Variants in CSMD2 observed in about 807,000 individuals in gnomAD.
CSMD2 encodes the protein CUB and sushi domain-containing protein 2.
A neutral mutation model predicts 398.5 loss-of-function variants in CSMD2; 130 were observed. The ratio of observed to expected loss-of-function variants is 0.33; its 90% CI spans 0.28 to 0.38. CSMD2 has a LOEUF of 0.38. CSMD2 is among the 10% of genes least tolerant of loss of function. CSMD2 has a pLI of 1.00. For missense variants in CSMD2, 3,829 were observed against 4,764.9 expected (o/e 0.80, Z 5.78); for synonymous variants, 1,828 against 1,908.5 (o/e 0.96, Z 1.10).
Position 33,546,045 on chromosome 1 carries a change from T to A in CSMD2, c.9092A>T (p.Glu3031Val). ...ATGGTCACATACATTACCTCCACAC[T>A]CAGGCTGCGAGCCGCTCCACGAGCC... ...ANGSWSGSQP[E>V]CGVISCGNPG... The change falls in exon 57 of 71, where the codon GAG becomes GTG. Residue 3031 changes from glutamate to valine, a missense_variant. Glu to Val is a moderately radical substitution (Grantham distance 121). Transcript: ENST00000373381. The A allele has an allele frequency of 6.2e-7, 1 of 1,612,390 alleles. No homozygotes were observed. Among genetic ancestry groups the A allele is most frequent in the Non-Finnish European group, 8.5e-7 (1 of 1,178,972 alleles).
rs573391910 is a variant in CSMD2 at position 33,933,113 on chromosome 1, C to A, written c.712+2647G>T. On this transcript the variant is annotated intron_variant, in intron 4 of 70. Coordinates refer to ENST00000373381, the MANE Select transcript of CSMD2 (RefSeq NM_001281956.2). ...CTAAGATGTAAGCTCCTTGCATTGC[C>A]ACACCTTCCATAAAGCCTGAACTAC... Among the ~76,000 whole-genome samples, 4 of 152,296 alleles carry A rather than the reference C, an allele frequency of 2.6e-5. No homozygotes were observed. In the South Asian group the frequency reaches 8.3e-4, roughly 32 times the overall value.
At chr1:33,982,411 G>T (rs1297082580) in intron 3 of CSMD2, among the ~76,000 whole-genome samples, 1 of 152,188 alleles carries the variant, frequency 6.6e-6, no homozygotes, top group African/African-American at 2.4e-5. Flanking sequence ...CCTTCTAGTA[G>T]TTTGTCCTTG....
At chr1:34,070,856 G>A (rs1248399099) in intron 2 of CSMD2, among the ~76,000 whole-genome samples, 1 of 149,570 alleles carries the variant, frequency 6.7e-6, no homozygotes, top group African/African-American at 2.4e-5. Context: ...GCCAAGATGC[G>A]TCCCCGTTCC....
intron 60 of CSMD2, among the ~76,000 whole-genome samples, chr1:33,539,388 T>G (rs1656119354): frequency 6.6e-6 from 1 of 152,202 alleles, no homozygotes. Context: ...AGGAAATTCT[T>G]TAAAGCCATT....
chr1:33,610,358 T>G (rs916642388), intron 41 of CSMD2, among the ~76,000 whole-genome samples: 8 of 152,042 alleles, frequency 5.3e-5, no homozygotes, highest in African/African-American at 1.7e-4. Flanking sequence ...AAGGGAAGCA[T>G]CCAAGGGCGA....
intron 2 of CSMD2, among the ~76,000 whole-genome samples, chr1:34,061,038 A>G (rs1654438519): frequency 6.6e-6 from 1 of 152,096 alleles, no homozygotes; most frequent in South Asian, 2.1e-4. Context: ...GCACAAAGGG[A>G]AGCTCGCACT....
intron 3 of CSMD2, among the ~76,000 whole-genome samples, chr1:33,938,164 G>C (rs536992792): frequency 1.3e-5 from 2 of 152,234 alleles, no homozygotes; most frequent in Non-Finnish European, 2.9e-5. Context: ...TTCTTTACCT[G>C]TGCCAAGTGA....
intron 25 of CSMD2, among the ~76,000 whole-genome samples, chr1:33,685,776 C>T (rs749773401): frequency 6.6e-6 from 1 of 152,208 alleles, no homozygotes; most frequent in Non-Finnish European, 1.5e-5. Context: ...CGTCACTTGG[C>T]TTGCACTTAT....
intron 2 of CSMD2, among the ~76,000 whole-genome samples, chr1:34,085,215 C>T (rs1657718687): frequency 6.6e-6 from 1 of 152,018 alleles, no homozygotes; most frequent in East Asian, 1.9e-4. Context: ...GACCATCACA[C>T]ACCAGGGACT....
At chr1:33,855,217 GA>G (rs1212433064) in intron 5 of CSMD2, among the ~76,000 whole-genome samples, 3 of 152,160 alleles carry the variant, frequency 2.0e-5, no homozygotes, top group Non-Finnish European at 4.4e-5. Flanking sequence ...AGAAGCCTTT[GA>G]AGATCAGTCT....
At chr1:33,822,764 G>T (rs1366054366) in intron 7 of CSMD2, among the ~76,000 whole-genome samples, 3 of 152,110 alleles carry the variant, frequency 2.0e-5, no homozygotes, top group Non-Finnish European at 4.4e-5. Context: ...CCAGAAGGTG[G>T]GAAGGAGGAG....
Position 33,854,863 on chromosome 1 carries a change from G to A in CSMD2, c.921-7867C>T, listed in dbSNP as rs144308259. Reference sequence around the variant, plus strand: ...AGGAACAGGGAGCCTGGCTGTTGCCGGGATGAGGGCTTCCTCACCAACACG... The same window carrying A: ...AGGAACAGGGAGCCTGGCTGTTGCCAGGATGAGGGCTTCCTCACCAACACG... On this transcript the variant is annotated intron_variant, in intron 5 of 70. Coordinates refer to ENST00000373381, the MANE Select transcript of CSMD2 (RefSeq NM_001281956.2). 4.3e-3 allele frequency among the ~76,000 whole-genome samples: 659 copies of A among 152,268 alleles called. 7 individuals are homozygous for A. The highest frequency in any genetic ancestry group is 0.015 in the African/African-American group (622 of 41,538).
At chr1:33,805,043 G>T in intron 10 of CSMD2, 1 of 616,294 alleles carries the variant, frequency 1.6e-6, no homozygotes, top group East Asian at 2.7e-5. Flanking sequence ...AGAAACTCAG[G>T]CTGGTGGGAT....
intron 68 of CSMD2, among the ~76,000 whole-genome samples, chr1:33,521,209 G>T (rs1654250882): frequency 6.6e-6 from 1 of 152,202 alleles, no homozygotes; most frequent in African/African-American, 2.4e-5. Context: ...TGTCCCTGGA[G>T]TTGGGGGCTC....
Position 34,085,378 on chromosome 1 carries a change from C to CAATAATAAT in CSMD2, c.404+3590_404+3598dup, listed in dbSNP as rs60890896. Among the ~76,000 whole-genome samples, 198 of 149,286 alleles carry CAATAATAAT rather than the reference C, an allele frequency of 1.3e-3. 2 individuals carry two copies. Among genetic ancestry groups the CAATAATAAT allele is most frequent in the African/African-American group, 4.6e-3 (187 of 40,552 alleles). Reference sequence around the variant, plus strand: ...ACATGTACCCTAAAACTTAAAAGTACAATAATAATAATAATAATAATAATA... The same window carrying CAATAATAAT: ...ACATGTACCCTAAAACTTAAAAGTACAATAATAATAATAATAATAATAATAATAATAATA... On this transcript the variant is annotated intron_variant, in intron 2 of 70. Transcript: ENST00000373381.
At chr1:34,117,515 A>C (rs1228442837) in intron 1 of CSMD2, among the ~76,000 whole-genome samples, 3 of 152,164 alleles carry the variant, frequency 2.0e-5, no homozygotes, top group Non-Finnish European at 4.4e-5. Flanking sequence ...TCACTGGATA[A>C]TTCTACTAAA....
At chr1:33,738,090 C>G (rs1646940677) in intron 15 of CSMD2, among the ~76,000 whole-genome samples, 1 of 152,032 alleles carries the variant, frequency 6.6e-6, no homozygotes, top group African/African-American at 2.4e-5. Context: ...CTGGGTAATA[C>G]TCTCTCTCAG....
At chr1:33,588,237 A>G (rs1368582245) in intron 44 of CSMD2, among the ~76,000 whole-genome samples, 1 of 152,266 alleles carries the variant, frequency 6.6e-6, no homozygotes, top group African/African-American at 2.4e-5. Context: ...CTTAGAAAAT[A>G]TGATTGAAAT....
At chr1:33,881,441 G>A (rs1476421644) in intron 5 of CSMD2, among the ~76,000 whole-genome samples, 1 of 152,204 alleles carries the variant, frequency 6.6e-6, no homozygotes, top group Non-Finnish European at 1.5e-5. Flanking sequence ...TGTGGGGAAG[G>A]TCGTTTTGGC....
Sources: allele counts gnomAD v4.1 joint callset (sites outside exome capture counted in the v4.1 genomes callset), GRCh38; gene constraint gnomAD v4.1.1; transcripts MANE v1.5; gene names NCBI Gene and HGNC (gene_info 2026-07-23, HGNC 2026-07-21).